Variants in SCIN observed in about 807,000 individuals in gnomAD.
SCIN encodes adseverin.
Under a neutral mutation model 91.8 loss-of-function variants are expected in SCIN, and 91 were observed. That is an observed-to-expected ratio of 0.99 (90% CI 0.84 to 1.18). The LOEUF (loss-of-function observed/expected upper bound fraction) is 1.18. Among genes scored for constraint, SCIN ranks in the 50% most tolerant of loss-of-function variants. The pLI is 0.00. For synonymous variants in SCIN, 367 were observed against 312.6 expected (o/e 1.17, Z -1.84); for missense variants, 1,087 against 863.9 (o/e 1.26, Z -3.24).
intron 3 of SCIN, among the ~76,000 whole-genome samples, chr7:12,597,158 A>G (rs940195680): frequency 2.0e-5 from 3 of 152,244 alleles, no homozygotes; most frequent in African/African-American, 7.2e-5. Context: ...TTGTTTATTC[A>G]AAAACGAGAT....
At chr7:12,604,419 T>G (rs946420751) in intron 3 of SCIN, 95 bp from the exon 4 acceptor site, 1 of 1,097,290 alleles carries the variant, frequency 9.1e-7, no homozygotes, top group Non-Finnish European at 1.3e-6. Flanking sequence ...TCATTTAATT[T>G]TCCTTTTTCT....
chr7:12,627,002 A>G (rs1050919903), intron 8 of SCIN, among the ~76,000 whole-genome samples: 5 of 152,122 alleles, frequency 3.3e-5, no homozygotes, highest in African/African-American at 1.2e-4. Flanking sequence ...AGGCATGAGA[A>G]TCGCGTGAGC....
intron 3 of SCIN, among the ~76,000 whole-genome samples, chr7:12,602,854 A>G (rs905194339): frequency 1.3e-5 from 2 of 152,154 alleles, no homozygotes; most frequent in Non-Finnish European, 2.9e-5. Flanking sequence ...ATCAATTTGT[A>G]CAGTTAACAC....
At chr7:12,585,135 C>T (rs1343089731) in intron 3 of SCIN, among the ~76,000 whole-genome samples, 5 of 152,182 alleles carry the variant, frequency 3.3e-5, no homozygotes, top group South Asian at 2.1e-4. Context: ...CCTCATTTAC[C>T]AGTCAGTCTT....
chr7:12,604,440 A>G lies in SCIN; in HGVS notation c.517-74A>G, dbSNP rs10224407. 1.5e-3 allele frequency: 1,938 copies of G among 1,333,814 alleles called. 25 individuals are homozygous for G. The African/African-American group carries it at 0.022, about 15-fold the overall frequency. 82.6% of individuals were successfully genotyped at this position (1,333,814 alleles called of 1,614,324 possible). Reference sequence around the variant, plus strand: ...AATTTTCCTTTTTCTTTCCTAATTAATCACAAGTATTACACTGAGGCTGAA... The same window carrying G: ...AATTTTCCTTTTTCTTTCCTAATTAGTCACAAGTATTACACTGAGGCTGAA... On this transcript the variant is annotated intron_variant, in intron 3 of 15. Transcript: ENST00000297029.
Position 12,651,931 on chromosome 7 carries a change from G to C in SCIN, c.2020+30G>C, listed in dbSNP as rs375560702. The C allele has an allele frequency of 6.7e-7, 1 of 1,494,216 alleles. No individual in the cohort carries two copies. The highest frequency in any genetic ancestry group is 1.2e-5 in the South Asian group (1 of 85,038). 92.6% of individuals were successfully genotyped at this position (1,494,216 alleles called of 1,614,324 possible). ...GCTCAATCGATGGACCATTATAGCAGTAACCGGGCACCATTATGACCGAGT... is the reference window on the plus strand; with the variant it reads ...GCTCAATCGATGGACCATTATAGCACTAACCGGGCACCATTATGACCGAGT... On this transcript the variant is annotated intron_variant, in intron 15 of 15. Transcript: ENST00000297029. The surrounding 1 kb of genome is among the most constrained non-coding windows in gnomAD (Gnocchi z 5.9).
intron 9 of SCIN, among the ~76,000 whole-genome samples, chr7:12,634,377 C>T (rs899229225): frequency 4.6e-5 from 7 of 151,376 alleles, no homozygotes; most frequent in African/African-American, 1.7e-4. Context: ...CCCAGCTACT[C>T]GGGAGGCTGA....
At chr7:12,571,418 C>T in intron 1 of SCIN, 1 of 350,584 alleles carries the variant, frequency 2.9e-6, no homozygotes, top group South Asian at 2.4e-5. Context: ...AGTCTGGGGG[C>T]ATCTGCCGCC....
intron 1 of SCIN, among the ~76,000 whole-genome samples, chr7:12,572,332 T>C (rs1326258317): frequency 6.6e-6 from 1 of 152,240 alleles, no homozygotes; most frequent in Non-Finnish European, 1.5e-5. Context: ...TATAATGTTG[T>C]AATACACAGT....
chr7:12,608,252 T>G (rs925699869), intron 4 of SCIN, among the ~76,000 whole-genome samples: 4 of 152,046 alleles, frequency 2.6e-5, no homozygotes, highest in Admixed American at 2.6e-4. Context: ...TTAGCAAATA[T>G]TTTTCTTAGA....
Position 12,629,135 on chromosome 7 carries a change from T to G in SCIN, c.1232T>G (p.Val411Gly), listed in dbSNP as rs188068227. ...GTAGAAAACAATGGTAGGATCCAAG[T>G]TGACCAAAACTCATATGGTGAATTC... is the stretch of plus-strand genomic sequence containing the variant. ...WRVENNGRIQ[V>G]DQNSYGEFYG... The change falls in exon 9 of 16, where the codon GTT becomes GGT. Residue 411 changes from valine to glycine, a missense_variant. Transcript: ENST00000297029. 6 of 1,613,232 alleles carry G rather than the reference T, an allele frequency of 3.7e-6. No homozygotes were observed. Among genetic ancestry groups the G allele is most frequent in the Admixed American group, 3.3e-5 (2 of 59,944 alleles).
At chr7:12,611,726 A>G (rs543426315) in intron 4 of SCIN, among the ~76,000 whole-genome samples, 1 of 152,288 alleles carries the variant, frequency 6.6e-6, no homozygotes, top group African/African-American at 2.4e-5. Flanking sequence ...TTTTTGAAAG[A>G]GTCTAAGGCT....
intron 1 of SCIN, among the ~76,000 whole-genome samples, chr7:12,577,210 T>C (rs1184176656): frequency 6.6e-6 from 1 of 152,204 alleles, no homozygotes; most frequent in Non-Finnish European, 1.5e-5. Context: ...GAGATCATTA[T>C]TTCATTCAAA....
At chr7:12,624,547 ATTG>A (rs1437723899) in intron 5 of SCIN, among the ~76,000 whole-genome samples, 1 of 152,218 alleles carries the variant, frequency 6.6e-6, no homozygotes, top group African/African-American at 2.4e-5. Context: ...TGACTGAGTG[ATTG>A]TTTAAACTTC....
intron 3 of SCIN, among the ~76,000 whole-genome samples, chr7:12,598,063 T>C (rs1163983582): frequency 6.6e-6 from 1 of 152,234 alleles, no homozygotes; most frequent in African/African-American, 2.4e-5. Flanking sequence ...CCCCTGAAAC[T>C]GTTTGCTTTA....
At chr7:12,597,841 A>C (rs1289712946) in intron 3 of SCIN, among the ~76,000 whole-genome samples, 1 of 152,224 alleles carries the variant, frequency 6.6e-6, no homozygotes, top group Non-Finnish European at 1.5e-5. Context: ...ATTAAGAGTT[A>C]ATTATAGTTT....
intron 3 of SCIN, among the ~76,000 whole-genome samples, chr7:12,597,293 A>T (rs1043011506): frequency 1.3e-5 from 2 of 152,244 alleles, no homozygotes; most frequent in Non-Finnish European, 2.9e-5. Context: ...ATATTTGGGT[A>T]ACTAGATCTA....
At position 12,629,128 on chromosome 7, in the gene SCIN, A is replaced by T; in HGVS notation, c.1225A>T (p.Ile409Phe). ...TTGGCGTGTAGAAAACAATGGTAGG[A>T]TCCAAGTTGACCAAAACTCATATGG... Reference protein sequence around the residue: ...EIWRVENNGRIQVDQNSYGEF... With the variant: ...EIWRVENNGRFQVDQNSYGEF... The change falls in exon 9 of 16, where the codon ATC becomes TTC. Residue 409 changes from isoleucine (I) to phenylalanine (F), a missense_variant. Ile to Phe is a conservative substitution (Grantham distance 21). Coordinates refer to ENST00000297029, the MANE Select transcript of SCIN (RefSeq NM_001112706.3). 1 of 1,613,128 alleles carries T rather than the reference A, an allele frequency of 6.2e-7. No individual in the cohort carries two copies. Among genetic ancestry groups the T allele is most frequent in the Non-Finnish European group, 8.5e-7 (1 of 1,179,384 alleles).
At chr7:12,587,109 A>G (rs181508135) in intron 3 of SCIN, among the ~76,000 whole-genome samples, 1 of 152,310 alleles carries the variant, frequency 6.6e-6, no homozygotes, top group East Asian at 1.9e-4. Flanking sequence ...CAAATAAGTG[A>G]TAACTATTTG....
Sources: gnomAD v4.1 joint callset for allele counts (sites outside exome capture counted in the v4.1 genomes callset) on GRCh38, gnomAD v4.1.1 for gene constraint, Gnocchi (gnomAD v3.1) non-coding constraint, MANE v1.5 for transcripts, NCBI Gene and HGNC (gene_info 2026-07-23, HGNC 2026-07-21) for gene names.